Variants in NTNG1 observed in about 807,000 individuals in gnomAD.
The protein encoded by NTNG1 is netrin-G1.
A neutral mutation model predicts 54.0 loss-of-function variants in NTNG1; 16 were observed. The observed-to-expected ratio is 0.30, with a 90% CI of 0.20 to 0.45. NTNG1 has a LOEUF of 0.45. NTNG1 is among the 20% of genes least tolerant of loss of function. The probability of loss-of-function intolerance (pLI) is 1.00; values close to 1 mark genes in which losing one functional copy is unlikely to be tolerated. For missense variants in NTNG1, 530 were observed against 678.7 expected (o/e 0.78, Z 2.43); for synonymous variants, 255 against 263.1 (o/e 0.97, Z 0.30).
chr1:107,286,270 C>G (rs1665193784), intron 2 of NTNG1, among the ~76,000 whole-genome samples: 1 of 152,114 alleles, frequency 6.6e-6, no homozygotes, highest in Non-Finnish European at 1.5e-5. Context: ...TGGTCTGCTA[C>G]TTGCTAAATG....
At chr1:107,186,280 C>G (rs1203473796) in intron 2 of NTNG1, among the ~76,000 whole-genome samples, 1 of 152,136 alleles carries the variant, frequency 6.6e-6, no homozygotes, top group Non-Finnish European at 1.5e-5. Flanking sequence ...ACCGTTATCT[C>G]TCATCTGAAT....
chr1:107,197,780 A>G lies in NTNG1; in HGVS notation c.246+48941A>G, dbSNP rs114902180. On this transcript the variant is annotated intron_variant, in intron 2 of 7. Coordinates refer to ENST00000370068, the MANE Select transcript of NTNG1 (RefSeq NM_001113226.3). ...TCTTTCTCTGTGTGGCACCTTGCCC[A>G]GGATCATTTGGATGTATGGATATAA... Among the ~76,000 whole-genome samples the G allele has an allele frequency of 9.1e-3, 1,381 of 152,122 alleles. 24 individuals are homozygous for G. The highest frequency in any genetic ancestry group is 0.031 in the African/African-American group (1,306 of 41,542).
At chr1:107,281,881 A>G (rs1001191346) in intron 2 of NTNG1, among the ~76,000 whole-genome samples, 1 of 152,098 alleles carries the variant, frequency 6.6e-6, no homozygotes, top group African/African-American at 2.4e-5. Context: ...AATGACTCAC[A>G]TTTTGTCAAA....
chr1:107,240,297 A>G (rs1661741510), intron 2 of NTNG1, among the ~76,000 whole-genome samples: 1 of 148,300 alleles, frequency 6.7e-6, no homozygotes, highest in African/African-American at 2.5e-5. Context: ...TTTTTTTTAC[A>G]CATTACGATA....
At chr1:107,344,736 G>A (rs1669112907) in intron 3 of NTNG1, among the ~76,000 whole-genome samples, 1 of 151,986 alleles carries the variant, frequency 6.6e-6, no homozygotes, top group Non-Finnish European at 1.5e-5. Flanking sequence ...TTTTTATACT[G>A]TCAGTGTCCT....
At chr1:107,410,804 C>T (rs1161196865) in intron 5 of NTNG1, among the ~76,000 whole-genome samples, 1 of 152,052 alleles carries the variant, frequency 6.6e-6, no homozygotes, top group African/African-American at 2.4e-5. Flanking sequence ...ATCATATGAT[C>T]TTTGGTCCTG....
At chr1:107,434,596 A>G (rs1388814463) in intron 6 of NTNG1, among the ~76,000 whole-genome samples, 2 of 152,234 alleles carry the variant, frequency 1.3e-5, no homozygotes, top group Non-Finnish European at 2.9e-5. Flanking sequence ...ATTATGATGT[A>G]TAATTTTTAA....
chr1:107,290,238 A>T (rs529194338), intron 2 of NTNG1, among the ~76,000 whole-genome samples: 1 of 152,178 alleles, frequency 6.6e-6, no homozygotes, highest in Non-Finnish European at 1.5e-5. Context: ...TGAAATATCA[A>T]ATAGAATTAT....
chr1:107,436,825 T>C (rs996964782), intron 7 of NTNG1, 26 bp downstream of exon 7: 3 of 1,610,356 alleles, frequency 1.9e-6, no homozygotes, highest in African/African-American at 1.3e-5. Flanking sequence ...AGCTGCCCTC[T>C]GCCTGCTGCA....
chr1:107,195,865 G>T (rs1041472838), intron 2 of NTNG1, among the ~76,000 whole-genome samples: 2 of 151,804 alleles, frequency 1.3e-5, no homozygotes, highest in African/African-American at 2.4e-5. Context: ...TTCTAAAATG[G>T]CCAGTGACCC....
At chr1:107,408,041 A>C in intron 5 of NTNG1, 1 of 438,800 alleles carries the variant, frequency 2.3e-6, no homozygotes, top group South Asian at 1.9e-5. Flanking sequence ...CTTAGCAACC[A>C]ACAAACAAAT....
chr1:107,168,139 T>C lies in NTNG1; in HGVS notation c.246+19300T>C, dbSNP rs529234011. Among the ~76,000 whole-genome samples, 73 of 151,970 alleles carry C rather than the reference T, an allele frequency of 4.8e-4. 1 individual carries two copies. Among genetic ancestry groups the C allele is most frequent in the Non-Finnish European group, 3.5e-4 (24 of 67,928 alleles). On this transcript the variant is annotated intron_variant, in intron 2 of 7. Coordinates refer to ENST00000370068, the MANE Select transcript of NTNG1 (RefSeq NM_001113226.3). The stretch of plus-strand genomic sequence containing the variant: ...AGCCTGAAATGAACAAGACAATAAG[T>C]GTTGCTCTACTGCCCTCCCTCCCCG...
chr1:107,327,820 A>C (rs1169986176), intron 3 of NTNG1, among the ~76,000 whole-genome samples: 2 of 152,140 alleles, frequency 1.3e-5, no homozygotes, highest in East Asian at 3.9e-4. Context: ...TTTACCTTGA[A>C]ATCTTAAACT....
chr1:107,332,700 A>G (rs1450774147), intron 3 of NTNG1, among the ~76,000 whole-genome samples: 1 of 152,094 alleles, frequency 6.6e-6, no homozygotes, highest in African/African-American at 2.4e-5. Flanking sequence ...CTCCAAATAA[A>G]TACAAGAACA....
At chr1:107,170,813 A>G (rs1656163167) in intron 2 of NTNG1, among the ~76,000 whole-genome samples, 1 of 152,158 alleles carries the variant, frequency 6.6e-6, no homozygotes, top group South Asian at 2.1e-4. Context: ...TGACTCCATA[A>G]TCAAATATAG....
chr1:107,249,600 G>A (rs1010316758), intron 2 of NTNG1, among the ~76,000 whole-genome samples: 1 of 151,992 alleles, frequency 6.6e-6, no homozygotes, highest in African/African-American at 2.4e-5. Flanking sequence ...ATTGTGATGA[G>A]ACTACCCTAA....
intron 5 of NTNG1, among the ~76,000 whole-genome samples, chr1:107,419,590 A>T (rs1487049468): frequency 6.7e-6 from 1 of 150,364 alleles, no homozygotes. Context: ...TTATTTTAAT[A>T]TAGTATTGTA....
intron 2 of NTNG1, among the ~76,000 whole-genome samples, chr1:107,238,238 G>A (rs1190242892): frequency 1.3e-5 from 2 of 152,184 alleles, no homozygotes; most frequent in Admixed American, 6.5e-5. Context: ...TTTCAGACTT[G>A]CATGGGGTCT....
At chr1:107,323,561 G>A (rs12144067) in intron 2 of NTNG1, among the ~76,000 whole-genome samples, 3,939 of 152,170 alleles carry the variant, frequency 0.026, 72 homozygotes, top group Middle Eastern at 0.061. Context: ...TGAGTAGTAC[G>A]TTTTCTTGTC....
Sources: allele counts gnomAD v4.1 joint callset (sites outside exome capture counted in the v4.1 genomes callset), GRCh38; gene constraint gnomAD v4.1.1; transcripts MANE v1.5; gene names NCBI Gene and HGNC (gene_info 2026-07-23, HGNC 2026-07-21).